The following DACH1 variants were observed in gnomAD, a reference collection of about 807,000 sequenced individuals.
DACH1 encodes the protein dachshund family transcription factor 1.
DACH1 carries 12 observed loss-of-function variants against 54.2 expected under a neutral mutation model. That is an observed-to-expected ratio of 0.22 (90% CI 0.14 to 0.36). The LOEUF is 0.36. Among genes scored for constraint, DACH1 ranks in the 10% least tolerant of loss-of-function variants. The probability of loss-of-function intolerance (pLI) is 1.00; values close to 1 mark genes in which losing one functional copy is unlikely to be tolerated. For synonymous variants in DACH1, 386 were observed against 366.2 expected, an observed-to-expected ratio of 1.05 and a Z score of -0.62; for missense variants, 805 against 929.8, an observed-to-expected ratio of 0.87 and a Z score of 1.75.
At chr13:71,684,116 C>T (rs1413546181) in intron 1 of DACH1, among the ~76,000 whole-genome samples, 4 of 152,086 alleles carry the variant, frequency 2.6e-5, no homozygotes, top group Admixed American at 1.3e-4. Context: ...TATCCCCACT[C>T]CTACCTTCCA....
intron 1 of DACH1, among the ~76,000 whole-genome samples, chr13:71,727,018 A>G (rs550042637): frequency 6.6e-5 from 10 of 152,100 alleles, no homozygotes; most frequent in Non-Finnish European, 1.2e-4. Context: ...AATGCTTATT[A>G]TTAAAATATA....
At chr13:71,551,146 A>G (rs907311527) in intron 6 of DACH1, among the ~76,000 whole-genome samples, 1 of 152,086 alleles carries the variant, frequency 6.6e-6, no homozygotes. Flanking sequence ...TTAAAAGAAA[A>G]AAGCCATTTG....
At chr13:71,757,586 C>T (rs1469383820) in intron 1 of DACH1, among the ~76,000 whole-genome samples, 1 of 147,640 alleles carries the variant, frequency 6.8e-6, no homozygotes, top group Non-Finnish European at 1.5e-5. Context: ...TACAATGGTG[C>T]AATCTTGGCT....
At chr13:71,475,279 C>T (rs1221389600) in intron 9 of DACH1, 70 bp from the exon 10 acceptor site, 1 of 1,244,454 alleles carries the variant, frequency 8.0e-7, no homozygotes, top group South Asian at 1.3e-5. Flanking sequence ...AAAAAAAGAG[C>T]AACCTGTTAC....
At chr13:71,448,045 C>T (rs746572038) in intron 10 of DACH1, among the ~76,000 whole-genome samples, 21 of 152,154 alleles carry the variant, frequency 1.4e-4, no homozygotes, top group Non-Finnish European at 2.2e-4. Context: ...GGATCTTTTA[C>T]ACATCTTTTG....
intron 1 of DACH1, among the ~76,000 whole-genome samples, chr13:71,707,447 C>A (rs1270927993): frequency 6.6e-6 from 1 of 152,142 alleles, no homozygotes; most frequent in Non-Finnish European, 1.5e-5. Context: ...AGATGGTGGG[C>A]TTTGGGGAAG....
At chr13:71,532,041 C>G (rs1238416497) in intron 6 of DACH1, among the ~76,000 whole-genome samples, 2 of 151,934 alleles carry the variant, frequency 1.3e-5, no homozygotes, top group Non-Finnish European at 2.9e-5. Flanking sequence ...TGTTCACTCT[C>G]TCTTTCATTT....
chr13:71,535,299 T>C (rs1344765631), intron 6 of DACH1, among the ~76,000 whole-genome samples: 12 of 151,856 alleles, frequency 7.9e-5, no homozygotes, highest in African/African-American at 1.4e-4. Flanking sequence ...TCGGTGTATA[T>C]CATGTGAATT....
intron 1 of DACH1, among the ~76,000 whole-genome samples, chr13:71,685,565 A>T (rs762393201): frequency 6.6e-6 from 1 of 152,088 alleles, no homozygotes; most frequent in Non-Finnish European, 1.5e-5. Flanking sequence ...TATTAACAAG[A>T]CTTTTCTCTA....
At chr13:71,819,238 G>T (rs1001819980) in intron 1 of DACH1, among the ~76,000 whole-genome samples, 1 of 152,178 alleles carries the variant, frequency 6.6e-6, no homozygotes, top group African/African-American at 2.4e-5. Context: ...AGAATTAAAT[G>T]TCCTGACCTC....
chr13:71,618,383 G>A (rs556188155), intron 3 of DACH1, among the ~76,000 whole-genome samples: 1 of 152,102 alleles, frequency 6.6e-6, no homozygotes, highest in South Asian at 2.1e-4. Context: ...TTGGAATGTT[G>A]CCAAAGCTGT....
chr13:71,662,184 CTT>C (rs1879544471), intron 2 of DACH1, among the ~76,000 whole-genome samples: 1 of 152,000 alleles, frequency 6.6e-6, no homozygotes, highest in Non-Finnish European at 1.5e-5. Flanking sequence ...TTAAAATAGA[CTT>C]CAGTGAATCA....
intron 1 of DACH1, among the ~76,000 whole-genome samples, chr13:71,761,718 G>A (rs1282826495): frequency 1.3e-5 from 2 of 152,100 alleles, no homozygotes; most frequent in Non-Finnish European, 2.9e-5. Flanking sequence ...AGTCACTGGT[G>A]ATGCTGATTC....
intron 2 of DACH1, among the ~76,000 whole-genome samples, chr13:71,641,302 ATTCT>A (rs1168520025): frequency 6.6e-6 from 1 of 152,128 alleles, no homozygotes; most frequent in Non-Finnish European, 1.5e-5. Flanking sequence ...GACACACAGT[ATTCT>A]TTCTAAGTGG....
chr13:71,641,304 T>G (rs551391852), intron 2 of DACH1, among the ~76,000 whole-genome samples: 2 of 152,220 alleles, frequency 1.3e-5, no homozygotes, highest in East Asian at 3.9e-4. Context: ...CACACAGTAT[T>G]CTTTCTAAGT....
At chr13:71,594,607 T>A (rs1169489590) in intron 3 of DACH1, among the ~76,000 whole-genome samples, 2 of 152,170 alleles carry the variant, frequency 1.3e-5, no homozygotes, top group Non-Finnish European at 2.9e-5. Context: ...TCCTAGAGCA[T>A]GTCACATTTA....
chr13:71,494,815 G>T (rs1879269100), intron 6 of DACH1, among the ~76,000 whole-genome samples: 1 of 151,944 alleles, frequency 6.6e-6, no homozygotes, highest in African/African-American at 2.4e-5. Flanking sequence ...TGGAAGAGAA[G>T]AAAATGTTTA....
At position 71,762,768 on chromosome 13, in the gene DACH1, CAAAAAA is replaced by C. The variant is rs34543654; in HGVS notation, c.849-80864_849-80859del. Among the ~76,000 whole-genome samples the C allele has an allele frequency of 2.2e-4, 16 of 71,200 alleles. No homozygotes were observed. In the South Asian group the frequency reaches 8.8e-3, roughly 39 times the overall value. The allele number at this position is 71,200 out of a possible 152,430, so 46.7% of individuals were successfully genotyped here. A position where few individuals can be genotyped will look rare whatever the true frequency, so the allele number is the denominator to read the frequency against. On this transcript the variant is annotated intron_variant, in intron 1 of 10. Transcript: ENST00000613252. ...GGGCAACAAGAGTGAAACTTTGTCT[CAAAAAA>C]AAAAAAAAAAAAAAAAAAGAATGTA...
chr13:71,619,266 A>AT (rs1876024216), intron 3 of DACH1, among the ~76,000 whole-genome samples: 1 of 151,968 alleles, frequency 6.6e-6, no homozygotes. Flanking sequence ...TGTATGTGTA[A>AT]CAAACACATT....
Sources: allele counts gnomAD v4.1 joint callset (sites outside exome capture counted in the v4.1 genomes callset), GRCh38; gene constraint gnomAD v4.1.1; transcripts MANE v1.5; gene names NCBI Gene and HGNC (gene_info 2026-07-23, HGNC 2026-07-21).